Variants in WDR17 observed in about 807,000 individuals in gnomAD.
WDR17 encodes the protein WD repeat-containing protein 17.
In WDR17, 143 loss-of-function variants were observed where a neutral mutation model predicts 161.7. The observed-to-expected ratio is 0.88, with a 90% CI of 0.77 to 1.02. The LOEUF is 1.02. Among genes scored for constraint, WDR17 ranks in the 50% least tolerant of loss-of-function variants. The pLI is 0.00. For synonymous variants in WDR17, 517 were observed against 515.6 expected, an observed-to-expected ratio of 1.00 and a Z score of -0.04; for missense variants, 1,469 against 1,520.9, an observed-to-expected ratio of 0.97 and a Z score of 0.57.
chr4:176,167,665 A>ACAAC (rs1561210703), intron 22 of WDR17, among the ~76,000 whole-genome samples: 3 of 134,148 alleles, frequency 2.2e-5, no homozygotes, highest in Non-Finnish European at 4.8e-5. Flanking sequence ...AAAAAAAAAA[A>ACAAC]AAAAAAACAA....
At chr4:176,140,009 C>A (rs149811550) in intron 10 of WDR17, 35 bp downstream of exon 10, 1 of 1,522,512 alleles carries the variant, frequency 6.6e-7, no homozygotes, top group Non-Finnish European at 9.0e-7. Context: ...TATGAAATTA[C>A]ACTGTTTATA....
intron 1 of WDR17, among the ~76,000 whole-genome samples, chr4:176,105,578 C>T (rs1006577751): frequency 1.3e-5 from 2 of 152,028 alleles, no homozygotes; most frequent in African/African-American, 2.4e-5. Context: ...CTGAAAAATT[C>T]GCAAATTTGT....
chr4:176,077,940 A>T (rs1328284304), intron 1 of WDR17, among the ~76,000 whole-genome samples: 1 of 152,092 alleles, frequency 6.6e-6, no homozygotes, highest in Non-Finnish European at 1.5e-5. Flanking sequence ...AAATTTCAAG[A>T]TTAAACACAT....
chr4:176,121,556 TGAG>T (rs1741585304), intron 4 of WDR17, among the ~76,000 whole-genome samples: 2 of 152,230 alleles, frequency 1.3e-5, no homozygotes, highest in Admixed American at 6.5e-5. Context: ...GAAGAAGATA[TGAG>T]GAGTGTGTTT....
rs144680235 is a variant in WDR17, at chr4:176,146,121, T to G, written c.1656T>G (p.Pro552=). 4 of 1,613,822 alleles carry G rather than the reference T, an allele frequency of 2.5e-6. No homozygotes were observed. In the African/African-American group the frequency reaches 5.3e-5, roughly 22 times the overall value. Residue 552 remains proline (P), a synonymous_variant, in exon 12 of 29, where the codon CCT becomes CCG. Transcript: ENST00000508596. The stretch of plus-strand genomic sequence containing the variant: ...AAGTGTTTCATGTTAAATGGTCTCC[T>G]CTGAGAGAGGGAATTCTTTGCAGTG... The part of the protein sequence containing the change: ...TAKVFHVKWS[P]LREGILCSGS...
rs1280952293 is a variant in WDR17 at position 176,181,351 on chromosome 4, C to G, written c.*1772C>G. 1 of 167,144 alleles carries G rather than the reference C, an allele frequency of 6.0e-6. No homozygotes were observed. Among genetic ancestry groups the G allele is most frequent in the African/African-American group, 2.4e-5 (1 of 41,658 alleles). 10.4% of individuals were successfully genotyped at this position (167,144 alleles called of 1,614,324 possible). On this transcript the variant is annotated 3_prime_UTR_variant, in exon 29 of 29. Transcript: ENST00000508596. ...GTGTGGTGGTGTGTACCTGTAGTCCCAGCTACCCAGGAAGCTAAGGCAGGA... is the reference window on the plus strand; with the variant it reads ...GTGTGGTGGTGTGTACCTGTAGTCCGAGCTACCCAGGAAGCTAAGGCAGGA...
At position 176,103,424 on chromosome 4, in the gene WDR17, T is replaced by C. The variant is rs10023465; in HGVS notation, c.-6-8151T>C. On this transcript the variant is annotated intron_variant, in intron 1 of 28. Transcript: ENST00000508596. ...AGGCCTAAAAAGAAACAGAAAATTATGTTTCTTTCAGTGGAAAAAAAAATA... is the reference window on the plus strand; with the variant it reads ...AGGCCTAAAAAGAAACAGAAAATTACGTTTCTTTCAGTGGAAAAAAAAATA... Among the ~76,000 whole-genome samples the C allele has an allele frequency of 8.1e-3, 1,226 of 151,852 alleles. 28 individuals carry two copies. The highest frequency in any genetic ancestry group is 0.027 in the African/African-American group (1,130 of 41,236).
At chr4:176,130,618 G>A (rs1210078554) in intron 6 of WDR17, among the ~76,000 whole-genome samples, 3 of 151,770 alleles carry the variant, frequency 2.0e-5, no homozygotes, top group Admixed American at 1.3e-4. Context: ...GGTGGCAGGA[G>A]CCTGTAGTCC....
At chr4:176,161,337 T>C (rs1279219501) in intron 20 of WDR17, among the ~76,000 whole-genome samples, 1 of 152,224 alleles carries the variant, frequency 6.6e-6, no homozygotes, top group Admixed American at 6.5e-5. Context: ...TGCTTATTAA[T>C]GTTTTACTCT....
chr4:176,119,794 C>T, intron 3 of WDR17, 73 bp from the exon 4 acceptor site: 3 of 1,278,942 alleles, frequency 2.3e-6, no homozygotes, highest in Non-Finnish European at 2.2e-6. Context: ...GAAATGTAAA[C>T]AGGGCAAGTA....
intron 1 of WDR17, among the ~76,000 whole-genome samples, chr4:176,086,728 T>G (rs1735471740): frequency 6.6e-6 from 1 of 151,866 alleles, no homozygotes; most frequent in African/African-American, 2.4e-5. Flanking sequence ...TTAATGTAGA[T>G]GCTAATTTTA....
At chr4:176,110,691 G>A (rs1739563757) in intron 1 of WDR17, among the ~76,000 whole-genome samples, 1 of 152,214 alleles carries the variant, frequency 6.6e-6, no homozygotes, top group Middle Eastern at 3.4e-3. Context: ...TTTACATATA[G>A]ATTCATAGCA....
rs1422071157 is a variant in WDR17 at position 176,182,398 on chromosome 4, T to C, written c.*2819T>C. 8.2e-5 allele frequency: 4 copies of C among 48,826 alleles called. No homozygotes were observed. The highest frequency in any genetic ancestry group is 1.5e-4 in the Non-Finnish European group (4 of 25,820). 3.0% of individuals were successfully genotyped at this position (48,826 alleles called of 1,614,324 possible). Reference sequence around the variant, plus strand: ...TGTATGAAATATATATATGTGCGTGTGTGTGTGTATATATATATATATATA... The same window carrying C: ...TGTATGAAATATATATATGTGCGTGCGTGTGTGTATATATATATATATATA... On this transcript the variant is annotated 3_prime_UTR_variant, in exon 29 of 29. Transcript: ENST00000508596. The surrounding 1 kb of genome is among the most constrained non-coding windows in gnomAD (Gnocchi z 4.2).
Position 176,144,165 on chromosome 4 carries a change from G to A in WDR17, c.1530-1830G>A, listed in dbSNP as rs1224503337. On this transcript the variant is annotated intron_variant, in intron 11 of 28. Transcript: ENST00000508596. ...CACCACACACCCTACCTGGGTGGGA[G>A]ATAGATAACTGCTATCCATCCTTCA... Among the ~76,000 whole-genome samples the A allele has an allele frequency of 5.9e-5, 9 of 152,120 alleles. No individual in the cohort carries two copies. The South Asian group carries it at 1.2e-3, about 21-fold the overall frequency.
Position 176,085,577 on chromosome 4 carries a change from A to G in WDR17, c.-7+19498A>G, listed in dbSNP as rs1056401897. On this transcript the variant is annotated intron_variant, in intron 1 of 28. Coordinates refer to ENST00000508596, the MANE Select transcript of WDR17 (RefSeq NM_181265.4). Reference sequence around the variant, plus strand: ...TGTGTCCATTCATCCAAGTTATCCAATATATTGGTGTGAAGGTGGATATAG... The same window carrying G: ...TGTGTCCATTCATCCAAGTTATCCAGTATATTGGTGTGAAGGTGGATATAG... Among the ~76,000 whole-genome samples the G allele has an allele frequency of 2.0e-5, 3 of 152,104 alleles. No individual in the cohort carries two copies. The East Asian group carries it at 5.8e-4, about 29-fold the overall frequency.
chr4:176,162,763 C>G (rs1433826870), intron 21 of WDR17, among the ~76,000 whole-genome samples: 1 of 152,006 alleles, frequency 6.6e-6, no homozygotes, highest in Non-Finnish European at 1.5e-5. Flanking sequence ...GTGCATTTAT[C>G]TTTAGATATA....
rs745657797 is a variant in WDR17, at chr4:176,151,950, A to C, written c.2443A>C (p.Met815Leu). ...ACAAATTCAGAGATACTGTGAACTT[A>C]TGGTTGAACTTGGAGAGGTAATGTG... ...LGQIQRYCEL[M>L]VELGEWDKAL... is the part of the protein sequence containing the mutation. Residue 815 changes from methionine (M) to leucine (L), a missense_variant, in exon 17 of 29, where the codon ATG (methionine) becomes CTG (leucine). Physicochemically the swap from Met to Leu is conservative, Grantham distance 15. Coordinates refer to ENST00000508596, the MANE Select transcript of WDR17 (RefSeq NM_181265.4). The C allele has an allele frequency of 6.2e-7, 1 of 1,612,498 alleles. No homozygotes were observed. The highest frequency in any genetic ancestry group is 1.3e-5 in the African/African-American group (1 of 74,978).
intron 17 of WDR17, among the ~76,000 whole-genome samples, chr4:176,153,815 C>T (rs945166171): frequency 6.6e-6 from 1 of 151,994 alleles, no homozygotes; most frequent in Non-Finnish European, 1.5e-5. Flanking sequence ...TGCTTGACCC[C>T]AAATAATAAC....
In WDR17 at chr4:176,179,460, G is replaced by T; in HGVS notation, c.3733G>T (p.Gly1245Cys). The change falls in exon 29 of 29, where the codon GGC becomes TGC. Residue 1245 changes from glycine (G) to cysteine (C), a missense_variant and splice_region_variant. By Grantham distance (159) the Gly-to-Cys change is radical. Transcript: ENST00000508596. ...ISCLTGLKIQ[G>C]PVFFLEDGKS... ...TCTTTCCTCAACTCTCACTGTGCAG[G>T]GCCCTGTGTTTTTCCTTGAAGACGG... 6.3e-7 allele frequency: 1 copy of T among 1,593,672 alleles called. No individual in the cohort carries two copies.
Sources: gnomAD v4.1 joint callset for allele counts (sites outside exome capture counted in the v4.1 genomes callset) on GRCh38, gnomAD v4.1.1 for gene constraint, Gnocchi (gnomAD v3.1) non-coding constraint, MANE v1.5 for transcripts, NCBI Gene and HGNC (gene_info 2026-07-23, HGNC 2026-07-21) for gene names.